The following CLDN10 variants were observed in gnomAD, a reference collection of about 807,000 sequenced individuals.
CLDN10 encodes the protein claudin-10.
CLDN10 carries 15 observed loss-of-function variants against 22.9 expected under a neutral mutation model. The ratio of observed to expected loss-of-function variants is 0.65; its 90% CI spans 0.44 to 1.01. The LOEUF is 1.01. Ranked by LOEUF, CLDN10 falls within the 50% of genes least tolerant of loss-of-function variation. The pLI is 0.00. For synonymous variants in CLDN10, 114 were observed against 111.4 expected (o/e 1.02, Z -0.15); for missense variants, 247 against 287.8 (o/e 0.86, Z 1.03).
At chr13:95,492,451 G>A (rs186818614) in intron 1 of CLDN10, among the ~76,000 whole-genome samples, 165 of 152,170 alleles carry the variant, frequency 1.1e-3, no homozygotes, top group African/African-American at 3.8e-3. Context: ...GTTGGGGAAG[G>A]CTGGCAATCA....
intron 1 of CLDN10, among the ~76,000 whole-genome samples, chr13:95,528,755 C>T (rs905092128): frequency 2.6e-5 from 4 of 152,144 alleles, no homozygotes; most frequent in African/African-American, 7.2e-5. Context: ...ACAGACACCA[C>T]GGCAAAGCCA....
upstream of CLDN10, among the ~76,000 whole-genome samples, chr13:95,549,276 T>A (rs1379833987): frequency 6.6e-6 from 1 of 152,232 alleles, no homozygotes; most frequent in Non-Finnish European, 1.5e-5. Context: ...ATATTTAAAT[T>A]AAGAATAGTC....
chr13:95,564,280 A>G lies in CLDN10; in HGVS notation c.464+3817A>G, dbSNP rs76141137. 9.0e-3 allele frequency among the ~76,000 whole-genome samples: 1,365 copies of G among 152,282 alleles called. 22 individuals are homozygous for G. The highest frequency in any genetic ancestry group is 0.031 in the African/African-American group (1,302 of 41,546). The stretch of plus-strand genomic sequence containing the variant: ...AGACCTAGTCCTTTCAGAATTAGCA[A>G]AGAAAATTGTTGTCTCAGTGGATAG... On this transcript the variant is annotated intron_variant, in intron 3 of 4. Transcript: ENST00000299339.
intron 1 of CLDN10, among the ~76,000 whole-genome samples, chr13:95,540,325 TAAA>T (rs2043446604): frequency 6.7e-6 from 1 of 149,636 alleles, no homozygotes; most frequent in Non-Finnish European, 1.5e-5. Context: ...AATAAATAAA[TAAA>T]TAAATAAATA....
At chr13:95,482,525 C>A (rs2042760788) in intron 1 of CLDN10, among the ~76,000 whole-genome samples, 1 of 152,148 alleles carries the variant, frequency 6.6e-6, no homozygotes, top group Non-Finnish European at 1.5e-5. Context: ...CCTTCTCGGG[C>A]TGCCTTCAGT....
intron 1 of CLDN10, among the ~76,000 whole-genome samples, chr13:95,487,833 C>T (rs1327469210): frequency 3.9e-5 from 6 of 151,964 alleles, no homozygotes; most frequent in Admixed American, 1.3e-4. Context: ...CACCACCATG[C>T]CTGGCTAATT....
At chr13:95,558,346 G>A (rs551950593) in intron 1 of CLDN10, among the ~76,000 whole-genome samples, 13 of 152,284 alleles carry the variant, frequency 8.5e-5, no homozygotes, top group African/African-American at 1.9e-4. Flanking sequence ...ATTTGGCAGC[G>A]GAGACCCAGA....
At chr13:95,557,523 T>C (rs1395658577) in intron 1 of CLDN10, among the ~76,000 whole-genome samples, 2 of 152,190 alleles carry the variant, frequency 1.3e-5, no homozygotes, top group Non-Finnish European at 2.9e-5. Flanking sequence ...TGCTCTTTGC[T>C]CTCCATTTCA....
At chr13:95,507,166 G>C (rs934836831) in intron 1 of CLDN10, among the ~76,000 whole-genome samples, 1 of 152,148 alleles carries the variant, frequency 6.6e-6, no homozygotes, top group African/African-American at 2.4e-5. Flanking sequence ...TCCTTTGATC[G>C]ATTTGTGAAT....
At chr13:95,562,231 C>T in intron 3 of CLDN10, among the ~76,000 whole-genome samples, 1 of 151,928 alleles carries the variant, frequency 6.6e-6, no homozygotes, top group East Asian at 1.9e-4. Flanking sequence ...TGCGCCCGGC[C>T]CCGGATAATT....
upstream of CLDN10, among the ~76,000 whole-genome samples, chr13:95,549,615 A>T (rs183591726): frequency 2.3e-3 from 354 of 152,354 alleles, 2 homozygotes; most frequent in African/African-American, 8.0e-3. Context: ...CTAGGTATTA[A>T]AGAAAGTTAA....
intron 1 of CLDN10, among the ~76,000 whole-genome samples, chr13:95,478,736 G>A (rs1479164813): frequency 2.0e-5 from 3 of 152,168 alleles, no homozygotes; most frequent in African/African-American, 7.2e-5. Context: ...TGTCGCTGGC[G>A]GTTTCATTAA....
At chr13:95,488,146 G>A (rs145934032) in intron 1 of CLDN10, among the ~76,000 whole-genome samples, 4,439 of 150,942 alleles carry the variant, frequency 0.029, 95 homozygotes, top group Middle Eastern at 0.071. Flanking sequence ...CACCATGTCC[G>A]GCTAATTTTT....
intron 1 of CLDN10, among the ~76,000 whole-genome samples, chr13:95,499,268 G>C (rs950931031): frequency 1.3e-5 from 2 of 152,146 alleles, no homozygotes; most frequent in Non-Finnish European, 2.9e-5. Flanking sequence ...CTGGCCAGGC[G>C]CAGTGGCTTA....
At chr13:95,534,531 G>A (rs747158727) in intron 1 of CLDN10, among the ~76,000 whole-genome samples, 31 of 151,342 alleles carry the variant, frequency 2.0e-4, no homozygotes, top group African/African-American at 4.4e-4. Flanking sequence ...ATATCAAACC[G>A]TTAAAAATTC....
chr13:95,557,193 C>T (rs1293628336), intron 1 of CLDN10, among the ~76,000 whole-genome samples: 1 of 152,184 alleles, frequency 6.6e-6, no homozygotes. Context: ...GTTCATGCCT[C>T]AGCACCTTAA....
rs141753589 is a variant in CLDN10 at position 95,444,216 on chromosome 13, C to T, written c.214+10169C>T. Among the ~76,000 whole-genome samples, 168 of 152,300 alleles carry T rather than the reference C, an allele frequency of 1.1e-3. 1 individual carries two copies. The highest frequency in any genetic ancestry group is 3.9e-3 in the African/African-American group (162 of 41,560). On this transcript the variant is annotated intron_variant, in intron 1 of 4. Coordinates refer to the CLDN10 transcript ENST00000376873. ...GAACATCTTCTGAGCAAATGGTGTG[C>T]TGGGCTTAGTCATTTAAAACCTTCC... is the stretch of plus-strand genomic sequence containing the variant.
chr13:95,529,380 A>G (rs1425682425), intron 1 of CLDN10, among the ~76,000 whole-genome samples: 2 of 114,128 alleles, frequency 1.8e-5, no homozygotes, highest in East Asian at 4.7e-4. Flanking sequence ...AAGTGAATAA[A>G]CACATTTTTT....
intron 1 of CLDN10, among the ~76,000 whole-genome samples, chr13:95,434,544 T>TATATATATATGCACACATGTGTGG (rs2042246946): frequency 6.7e-6 from 1 of 148,892 alleles, no homozygotes; most frequent in African/African-American, 2.5e-5. Flanking sequence ...CACACGTGTG[T>TATATATATATGCACACATGTGTGG]ATATATATAT....
Sources: gnomAD v4.1 joint callset for allele counts (sites outside exome capture counted in the v4.1 genomes callset) on GRCh38, gnomAD v4.1.1 for gene constraint, MANE v1.5 for transcripts, NCBI Gene and HGNC (gene_info 2026-07-23, HGNC 2026-07-21) for gene names.